CORIN: variants seen among roughly 807,000 people sequenced by gnomAD.
CORIN encodes the protein atrial natriuretic peptide-converting enzyme.
In CORIN, 117 loss-of-function variants were observed where a neutral mutation model predicts 125.3. That is an observed-to-expected ratio of 0.93 (90% CI 0.80 to 1.09). The LOEUF (loss-of-function observed/expected upper bound fraction) is 1.09, where lower values mean the gene tolerates loss of function less well. Among genes scored for constraint, CORIN ranks in the 50% least tolerant of loss-of-function variants. The pLI, the probability that CORIN is intolerant of heterozygous loss-of-function variation, is 0.00. For synonymous variants in CORIN, 450 were observed against 466.4 expected (o/e 0.96, Z 0.45); for missense variants, 1,253 against 1,306.7 (o/e 0.96, Z 0.63).
chr4:47,603,032 T>C (rs1469719907), intron 20 of CORIN, among the ~76,000 whole-genome samples: 1 of 152,074 alleles, frequency 6.6e-6, no homozygotes, highest in East Asian at 1.9e-4. Context: ...CTGGCTGATA[T>C]GGTTTGGCTG....
chr4:47,815,159 T>C (rs2109964759), intron 1 of CORIN, among the ~76,000 whole-genome samples: 1 of 152,242 alleles, frequency 6.6e-6, no homozygotes, highest in East Asian at 1.9e-4. Flanking sequence ...AAAGTCATCT[T>C]CCATTCTTAA....
At chr4:47,793,027 CTGTTGTTGTTGT>C (rs892227612) in intron 2 of CORIN, among the ~76,000 whole-genome samples, 1 of 148,948 alleles carries the variant, frequency 6.7e-6, no homozygotes, top group South Asian at 2.1e-4. Flanking sequence ...TTGTAGAAGC[CTGTTGTTGTTGT>C]TGTTGTTGTT....
chr4:47,769,641 C>A (rs1729929142), intron 3 of CORIN, among the ~76,000 whole-genome samples: 1 of 151,866 alleles, frequency 6.6e-6, no homozygotes, highest in Non-Finnish European at 1.5e-5. Flanking sequence ...CTATAGTAAT[C>A]AAAAAAGCAT....
chr4:47,830,921 A>C (rs1732958793), intron 1 of CORIN, among the ~76,000 whole-genome samples: 1 of 152,246 alleles, frequency 6.6e-6, no homozygotes, highest in South Asian at 2.1e-4. Flanking sequence ...ACAAACAAAA[A>C]GTACTCTTCA....
In CORIN at chr4:47,661,908, G is replaced by A. The variant is rs370586434; in HGVS notation, c.1590-52C>T. 29 of 1,510,240 alleles carry A rather than the reference G, an allele frequency of 1.9e-5. No homozygotes were observed. In the African/African-American group the frequency reaches 3.3e-4, roughly 17 times the overall value. The allele number at this position is 1,510,240 out of a possible 1,614,324, so 93.6% of individuals were successfully genotyped here. On this transcript the variant is annotated intron_variant, in intron 11 of 21. Coordinates refer to ENST00000273857, the MANE Select transcript of CORIN (RefSeq NM_006587.4). ...TAGAAGCAGAAATAGCTCCATCTGAGACAGATGTCATAAATTTATGTCAAG... is the reference window on the plus strand; with the variant it reads ...TAGAAGCAGAAATAGCTCCATCTGAAACAGATGTCATAAATTTATGTCAAG...
At chr4:47,634,378 A>G (rs1722947286) in intron 16 of CORIN, among the ~76,000 whole-genome samples, 1 of 152,254 alleles carries the variant, frequency 6.6e-6, no homozygotes, top group Non-Finnish European at 1.5e-5. Flanking sequence ...TCACGCCTGT[A>G]ATCCCAGCAC....
intron 3 of CORIN, among the ~76,000 whole-genome samples, chr4:47,764,659 G>T (rs1729624962): frequency 6.6e-6 from 1 of 152,170 alleles, no homozygotes; most frequent in African/African-American, 2.4e-5. Flanking sequence ...AGAAATTTCA[G>T]ATCTGAAACC....
At chr4:47,809,650 C>T (rs1284914551) in intron 1 of CORIN, among the ~76,000 whole-genome samples, 1 of 152,104 alleles carries the variant, frequency 6.6e-6, no homozygotes, top group African/African-American at 2.4e-5. Context: ...CCGTGATCCA[C>T]CCGCCTCGGC....
At chr4:47,800,577 C>T (rs368223400) in intron 2 of CORIN, among the ~76,000 whole-genome samples, 5 of 152,150 alleles carry the variant, frequency 3.3e-5, no homozygotes, top group Non-Finnish European at 5.9e-5. Context: ...TACTGAAGGG[C>T]GCTGGAGAGG....
intron 3 of CORIN, among the ~76,000 whole-genome samples, chr4:47,768,577 C>G (rs759097305): frequency 6.6e-6 from 1 of 152,122 alleles, no homozygotes; most frequent in African/African-American, 2.4e-5. Context: ...AAATCCTCAA[C>G]AAAATGCTGG....
At chr4:47,810,219 A>T (rs1346753548) in intron 1 of CORIN, among the ~76,000 whole-genome samples, 1 of 151,738 alleles carries the variant, frequency 6.6e-6, no homozygotes, top group African/African-American at 2.4e-5. Flanking sequence ...ACAGGGTCTC[A>T]CTCTGTCGCC....
At position 47,763,583 on chromosome 4, in the gene CORIN, G is replaced by T. The variant is rs776755818; in HGVS notation, c.413C>A (p.Ala138Asp). ...CTGGCTGTGGGTGATGTTCATACAG[G>T]CACCTGGGAAGTAAAGACATGCACA... The part of the protein sequence containing the change: ...PGDQSHRNTS[A>D]CMNITHSQCQ... The change falls in exon 4 of 22, where the codon GCC becomes GAC. Residue 138 changes from alanine to aspartate, a missense_variant. Physicochemically the swap from Ala to Asp is moderately radical, Grantham distance 126. Coordinates refer to ENST00000273857, the MANE Select transcript of CORIN (RefSeq NM_006587.4). 84 of 1,613,614 alleles carry T rather than the reference G, an allele frequency of 5.2e-5. No homozygotes were observed. The highest frequency in any genetic ancestry group is 7.0e-5 in the Non-Finnish European group (82 of 1,179,722).
chr4:47,610,522 A>G (rs1038194901), intron 19 of CORIN, among the ~76,000 whole-genome samples: 1 of 152,008 alleles, frequency 6.6e-6, no homozygotes, highest in Non-Finnish European at 1.5e-5. Context: ...AATAAATTGC[A>G]ATTATTTTTC....
At position 47,693,068 on chromosome 4, in the gene CORIN, C is replaced by T. The variant is rs763380815; in HGVS notation, c.815G>A (p.Gly272Asp). 3.0e-5 allele frequency: 49 copies of T among 1,612,300 alleles called. No homozygotes were observed. Among genetic ancestry groups the T allele is most frequent in the East Asian group, 1.6e-4 (7 of 44,870 alleles). ...TCCACTGGCACACAGAAAGTTCTCA[C>T]CCCTTCCACAGAGCACTAAAAAAAA... ...ENGKQLLCGR[G>D]ENFLCASGIC... is the part of the protein sequence containing the mutation. Residue 272 changes from glycine (G) to aspartate (D), a missense_variant, in exon 6 of 22, where the codon GGT (glycine) becomes GAT (aspartate). Physicochemically the swap from Gly to Asp is moderately conservative, Grantham distance 94 (BLOSUM62 -1). Transcript: ENST00000273857.
chr4:47,637,517 T>C (rs1723073256), intron 16 of CORIN, among the ~76,000 whole-genome samples: 1 of 152,174 alleles, frequency 6.6e-6, no homozygotes, highest in African/African-American at 2.4e-5. Context: ...GTGTGCAGCC[T>C]AGGGACTTGG....
rs7658438 is a variant in CORIN at position 47,715,832 on chromosome 4, A to G, written c.800-22749T>C. On this transcript the variant is annotated intron_variant, in intron 5 of 21. Coordinates refer to ENST00000273857, the MANE Select transcript of CORIN (RefSeq NM_006587.4). ...GAATGTGAAGAAATACCTATGCTGC[A>G]ATATGAGGCAGAGATAAATTTCTTG... 6.1e-3 allele frequency among the ~76,000 whole-genome samples: 925 copies of G among 152,308 alleles called. 9 individuals are homozygous for G. The highest frequency in any genetic ancestry group is 0.021 in the African/African-American group (862 of 41,574).
intron 19 of CORIN, among the ~76,000 whole-genome samples, chr4:47,623,138 T>C (rs1409791439): frequency 2.0e-5 from 3 of 147,678 alleles, no homozygotes; most frequent in African/African-American, 7.7e-5. Flanking sequence ...ACACACTCTC[T>C]CTGAATAGCA....
intron 4 of CORIN, among the ~76,000 whole-genome samples, chr4:47,745,759 A>G (rs1728635616): frequency 6.6e-6 from 1 of 152,230 alleles, no homozygotes; most frequent in Admixed American, 6.5e-5. Context: ...TTACAAAAAC[A>G]TAAGGGGATA....
At chr4:47,833,157 T>A (rs1223986251) in intron 1 of CORIN, among the ~76,000 whole-genome samples, 1 of 151,270 alleles carries the variant, frequency 6.6e-6, no homozygotes, top group Non-Finnish European at 1.5e-5. Flanking sequence ...CGTCATGATT[T>A]CAAAATATAT....
Sources: allele counts gnomAD v4.1 joint callset (sites outside exome capture counted in the v4.1 genomes callset), GRCh38; gene constraint gnomAD v4.1.1; transcripts MANE v1.5; gene names NCBI Gene and HGNC (gene_info 2026-07-23, HGNC 2026-07-21).